The following LHFPL6 variants were observed in gnomAD, a reference collection of about 807,000 sequenced individuals.
LHFPL6 encodes LHFPL tetraspan subfamily member 6 protein.
In LHFPL6, 9 loss-of-function variants were observed where a neutral mutation model predicts 20.6. The observed-to-expected ratio is 0.44, with a 90% confidence interval of 0.26 to 0.76. The LOEUF (loss-of-function observed/expected upper bound fraction) is 0.76. Ranked by LOEUF, LHFPL6 falls within the 30% of genes least tolerant of loss-of-function variation. The pLI, the probability that LHFPL6 is intolerant of heterozygous loss-of-function variation, is 0.20. For synonymous variants in LHFPL6, 105 were observed against 98.7 expected, an observed-to-expected ratio of 1.06 and a Z score of -0.38; for missense variants, 218 against 253.5, an observed-to-expected ratio of 0.86 and a Z score of 0.95.
intron 2 of LHFPL6, among the ~76,000 whole-genome samples, chr13:39,441,921 C>G (rs1272248108): frequency 6.6e-6 from 1 of 151,386 alleles, no homozygotes; most frequent in Non-Finnish European, 1.5e-5. Flanking sequence ...CCTCCGCCTC[C>G]CAGGTTCAAG....
intron 3 of LHFPL6, among the ~76,000 whole-genome samples, chr13:39,351,307 G>C (rs1385117981): frequency 3.3e-5 from 5 of 152,100 alleles, no homozygotes; most frequent in African/African-American, 1.2e-4. Context: ...TCCTTGATCT[G>C]TTTATACTTT....
At chr13:39,424,208 C>A (rs1871579037) in intron 2 of LHFPL6, among the ~76,000 whole-genome samples, 1 of 151,846 alleles carries the variant, frequency 6.6e-6, no homozygotes, top group East Asian at 1.9e-4. Context: ...GTGAATAATA[C>A]AAAAGGTTTT....
At chr13:39,366,069 C>T (rs1870002827) in intron 3 of LHFPL6, among the ~76,000 whole-genome samples, 1 of 152,174 alleles carries the variant, frequency 6.6e-6, no homozygotes, top group Middle Eastern at 3.2e-3. Context: ...TAGTGCCTGG[C>T]AAAGGAGGGC....
intron 2 of LHFPL6, among the ~76,000 whole-genome samples, chr13:39,436,258 G>C (rs1254299383): frequency 6.6e-6 from 1 of 152,094 alleles, no homozygotes; most frequent in African/African-American, 2.4e-5. Flanking sequence ...ATAACATGCA[G>C]AGAAAAATAG....
intron 2 of LHFPL6, among the ~76,000 whole-genome samples, chr13:39,584,779 A>G (rs1248826935): frequency 6.6e-6 from 1 of 152,136 alleles, no homozygotes; most frequent in Non-Finnish European, 1.5e-5. Context: ...ACATTCCAAC[A>G]TATACCAAAC....
chr13:39,398,259 G>A (rs1302688397), intron 2 of LHFPL6, among the ~76,000 whole-genome samples: 1 of 152,162 alleles, frequency 6.6e-6, no homozygotes, highest in Non-Finnish European at 1.5e-5. Context: ...TTAAAAAATT[G>A]TAAAATCTCC....
At chr13:39,415,592 C>A (rs1451843324) in intron 2 of LHFPL6, among the ~76,000 whole-genome samples, 1 of 152,128 alleles carries the variant, frequency 6.6e-6, no homozygotes, top group East Asian at 1.9e-4. Context: ...AAAGAAGCAT[C>A]CCGGTGCCCC....
chr13:39,344,300 C>A (rs1043496647), intron 3 of LHFPL6, among the ~76,000 whole-genome samples: 1 of 152,140 alleles, frequency 6.6e-6, no homozygotes, highest in Non-Finnish European at 1.5e-5. Flanking sequence ...GTCTCCTCCA[C>A]CAATATCCAC....
intron 2 of LHFPL6, among the ~76,000 whole-genome samples, chr13:39,461,456 A>C (rs1212816672): frequency 6.6e-6 from 1 of 152,210 alleles, no homozygotes; most frequent in Non-Finnish European, 1.5e-5. Context: ...TCCCACCAGC[A>C]ATGTATAAGC....
chr13:39,559,880 A>C (rs1005871588), intron 2 of LHFPL6, among the ~76,000 whole-genome samples: 1 of 152,194 alleles, frequency 6.6e-6, no homozygotes. Context: ...CCCTCCTCTA[A>C]AGAGAAAACA....
At chr13:39,421,276 T>C (rs1871478165) in intron 2 of LHFPL6, among the ~76,000 whole-genome samples, 1 of 152,198 alleles carries the variant, frequency 6.6e-6, no homozygotes, top group East Asian at 1.9e-4. Flanking sequence ...TCTTCAATGA[T>C]AAAAATGTTT....
intron 2 of LHFPL6, among the ~76,000 whole-genome samples, chr13:39,381,961 A>C (rs1424785010): frequency 6.6e-6 from 1 of 152,142 alleles, no homozygotes; most frequent in African/African-American, 2.4e-5. Context: ...GCGTTGTTGA[A>C]GTATGGATGC....
chr13:39,501,296 T>C (rs1593338055), intron 2 of LHFPL6, among the ~76,000 whole-genome samples: 1 of 152,366 alleles, frequency 6.6e-6, no homozygotes, highest in Non-Finnish European at 1.5e-5. Flanking sequence ...CCATTCAGTA[T>C]AGTGCCAGCC....
intron 2 of LHFPL6, among the ~76,000 whole-genome samples, chr13:39,449,101 G>A (rs1872371325): frequency 6.6e-6 from 1 of 152,214 alleles, no homozygotes; most frequent in Non-Finnish European, 1.5e-5. Flanking sequence ...AGCCAGGGAA[G>A]CTTTTCCACT....
At chr13:39,367,282 T>C (rs755944295) in intron 3 of LHFPL6, among the ~76,000 whole-genome samples, 2 of 152,194 alleles carry the variant, frequency 1.3e-5, no homozygotes, top group African/African-American at 2.4e-5. Context: ...ACCTGGATGA[T>C]GGTATCATTT....
intron 2 of LHFPL6, among the ~76,000 whole-genome samples, chr13:39,547,421 G>C (rs989247448): frequency 1.3e-5 from 2 of 152,068 alleles, no homozygotes; most frequent in African/African-American, 4.8e-5. Flanking sequence ...TAATCCACCA[G>C]TAACAAGATT....
intron 2 of LHFPL6, among the ~76,000 whole-genome samples, chr13:39,573,850 T>C (rs1477370682): frequency 6.6e-6 from 1 of 152,190 alleles, no homozygotes; most frequent in Non-Finnish European, 1.5e-5. Context: ...AAGCTTGAAA[T>C]ATTTTTCCTC....
intron 2 of LHFPL6, among the ~76,000 whole-genome samples, chr13:39,489,748 T>C (rs1183676057): frequency 6.6e-6 from 1 of 152,180 alleles, no homozygotes; most frequent in South Asian, 2.1e-4. Context: ...AGACGACGTG[T>C]TTCACTATGT....
chr13:39,445,710 A>C (rs1409617709), intron 2 of LHFPL6, among the ~76,000 whole-genome samples: 1 of 152,238 alleles, frequency 6.6e-6, no homozygotes, highest in African/African-American at 2.4e-5. Flanking sequence ...AGAATAAAAC[A>C]AACAAAAAAC....
Sources: gnomAD v4.1 joint callset for allele counts (sites outside exome capture counted in the v4.1 genomes callset) on GRCh38, gnomAD v4.1.1 for gene constraint, MANE v1.5 for transcripts, NCBI Gene and HGNC (gene_info 2026-07-23, HGNC 2026-07-21) for gene names.